APBA1: variants seen among roughly 807,000 people sequenced by gnomAD.
The protein encoded by APBA1 is amyloid beta precursor protein binding family A member 1, also known as amyloid-beta A4 precursor protein-binding family A member 1.
Under a neutral mutation model 86.6 loss-of-function variants are expected in APBA1, and 55 were observed. That is an observed-to-expected ratio of 0.64 (90% CI 0.51 to 0.80). The LOEUF is 0.80. Among genes scored for constraint, APBA1 ranks in the 30% least tolerant of loss-of-function variants. The pLI is 0.00. For missense variants in APBA1, 1,090 were observed against 1,183.0 expected (o/e 0.92, Z 1.15); for synonymous variants, 511 against 493.9 (o/e 1.03, Z -0.46).
chr9:69,510,218 CAA>C (rs1252182723), intron 2 of APBA1, among the ~76,000 whole-genome samples: 1 of 151,128 alleles, frequency 6.6e-6, no homozygotes, highest in Non-Finnish European at 1.5e-5. Flanking sequence ...GCAACTTCAG[CAA>C]AGTCTCAGGA....
At chr9:69,576,162 C>T (rs1366801620) in intron 1 of APBA1, among the ~76,000 whole-genome samples, 3 of 152,168 alleles carry the variant, frequency 2.0e-5, no homozygotes, top group South Asian at 4.1e-4. Context: ...AATGAGATAC[C>T]ATCTCACACC....
chr9:69,561,265 T>C (rs1300881978), intron 1 of APBA1, among the ~76,000 whole-genome samples: 2 of 152,196 alleles, frequency 1.3e-5, no homozygotes, highest in African/African-American at 4.8e-5. Context: ...ATGAACTAAA[T>C]AGTGTGTTCA....
At chr9:69,498,436 G>T (rs1156495120) in intron 2 of APBA1, among the ~76,000 whole-genome samples, 3 of 152,130 alleles carry the variant, frequency 2.0e-5, no homozygotes, top group African/African-American at 4.8e-5. Context: ...GTCAAGGAAG[G>T]TTGTTTTATG....
At chr9:69,638,232 TTTTG>T (rs986945871) in intron 1 of APBA1, among the ~76,000 whole-genome samples, 1 of 151,004 alleles carries the variant, frequency 6.6e-6, no homozygotes, top group Non-Finnish European at 1.5e-5. Flanking sequence ...CATATTTTGT[TTTTG>T]TTTTTGTTTT....
chr9:69,431,986 A>ATGACAGCAGTGATGAC (rs1354665874), intron 12 of APBA1, among the ~76,000 whole-genome samples: 3 of 151,636 alleles, frequency 2.0e-5, no homozygotes, highest in Non-Finnish European at 2.9e-5. Flanking sequence ...TGATAAATGA[A>ATGACAGCAGTGATGAC]TGACAGCAGT....
chr9:69,446,735 T>C (rs1834915602), intron 10 of APBA1, among the ~76,000 whole-genome samples: 2 of 152,196 alleles, frequency 1.3e-5, no homozygotes, highest in Admixed American at 6.5e-5. Context: ...GCAAGTCTCC[T>C]GTGCCTTTAG....
At chr9:69,440,725 G>C (rs566675155) in intron 11 of APBA1, among the ~76,000 whole-genome samples, 1 of 152,142 alleles carries the variant, frequency 6.6e-6, no homozygotes, top group Non-Finnish European at 1.5e-5. Context: ...GACCCCTTGC[G>C]CTTCCCGGGT....
chr9:69,563,773 GTTTCC>G (rs1449308492), intron 1 of APBA1, among the ~76,000 whole-genome samples: 113 of 152,172 alleles, frequency 7.4e-4, no homozygotes, highest in Non-Finnish European at 9.7e-4. Context: ...ACAGACAGAT[GTTTCC>G]AAGACACGTG....
intron 1 of APBA1, among the ~76,000 whole-genome samples, chr9:69,539,781 T>C (rs1188537494): frequency 6.6e-6 from 1 of 152,202 alleles, no homozygotes; most frequent in East Asian, 1.9e-4. Flanking sequence ...TCTCAGATAA[T>C]TCACTGGGCT....
At chr9:69,527,560 G>A (rs13302209) in intron 1 of APBA1, among the ~76,000 whole-genome samples, 1 of 152,240 alleles carries the variant, frequency 6.6e-6, no homozygotes, top group African/African-American at 2.4e-5. Context: ...AGGTCACTTA[G>A]AGCTGAAAGG....
intron 2 of APBA1, among the ~76,000 whole-genome samples, chr9:69,494,807 C>A (rs551081365): frequency 3.7e-4 from 56 of 152,242 alleles, no homozygotes; most frequent in African/African-American, 1.3e-3. Context: ...TGTAATAGCA[C>A]ACTACCTGCT....
At chr9:69,629,003 C>T (rs369861220) in intron 1 of APBA1, among the ~76,000 whole-genome samples, 22 of 152,176 alleles carry the variant, frequency 1.4e-4, no homozygotes, top group East Asian at 1.2e-3. Flanking sequence ...AGGCTTTTAA[C>T]GATTTCTTCA....
intron 1 of APBA1, among the ~76,000 whole-genome samples, chr9:69,530,774 G>A (rs190708719): frequency 3.3e-5 from 5 of 152,224 alleles, no homozygotes; most frequent in Admixed American, 3.3e-4. Context: ...GAAGACTGAG[G>A]TGGGAGATTA....
intron 1 of APBA1, among the ~76,000 whole-genome samples, chr9:69,664,588 A>C (rs538416836): frequency 6.6e-6 from 1 of 152,378 alleles, no homozygotes; most frequent in Admixed American, 6.5e-5. Context: ...GAAGGATGTC[A>C]TATTTCTAAA....
At chr9:69,555,117 A>G (rs1431056637) in intron 1 of APBA1, among the ~76,000 whole-genome samples, 3 of 152,174 alleles carry the variant, frequency 2.0e-5, no homozygotes, top group Admixed American at 2.0e-4. Flanking sequence ...TTGCTTGGAG[A>G]CGGTCCAGGT....
chr9:69,655,444 C>T (rs1823589997), intron 1 of APBA1, among the ~76,000 whole-genome samples: 1 of 151,698 alleles, frequency 6.6e-6, no homozygotes, highest in Non-Finnish European at 1.5e-5. Flanking sequence ...ATACCAATAA[C>T]AAACTATTCG....
intron 1 of APBA1, among the ~76,000 whole-genome samples, chr9:69,664,331 G>A (rs1823806896): frequency 6.6e-6 from 1 of 152,172 alleles, no homozygotes; most frequent in Admixed American, 6.5e-5. Flanking sequence ...CTGGGTTGCA[G>A]AGATCATAAA....
rs528963417 is a variant in APBA1 at position 69,576,481 on chromosome 9, A to T, written c.-69-59202T>A. On this transcript the variant is annotated intron_variant, in intron 1 of 12. Transcript: ENST00000265381. ...CAAATGTCCAACAATGACAGACTGG[A>T]TTAAGAAAATGTGGCACATATACAC... 2.0e-5 allele frequency among the ~76,000 whole-genome samples: 3 copies of T among 152,374 alleles called. No homozygotes were observed. In the South Asian group the frequency reaches 6.2e-4, roughly 32 times the overall value.
At chr9:69,484,184 C>A (rs1041982433) in intron 2 of APBA1, among the ~76,000 whole-genome samples, 6 of 152,098 alleles carry the variant, frequency 3.9e-5, no homozygotes, top group African/African-American at 1.4e-4. Context: ...CTCACATTTC[C>A]TATTTCTCAA....
Sources: gnomAD v4.1 joint callset for allele counts (sites outside exome capture counted in the v4.1 genomes callset) on GRCh38, gnomAD v4.1.1 for gene constraint, MANE v1.5 for transcripts, NCBI Gene and HGNC (gene_info 2026-07-23, HGNC 2026-07-21) for gene names.